Variants in CYP4A22 observed in about 807,000 individuals in gnomAD.
CYP4A22 encodes cytochrome P450 4A22.
In CYP4A22, 46 loss-of-function variants were observed where a neutral mutation model predicts 56.2. That is an observed-to-expected ratio of 0.82 (90% CI 0.65 to 1.05). CYP4A22 has a LOEUF of 1.05. CYP4A22 is among the 50% of genes least tolerant of loss of function. The pLI, the probability that CYP4A22 is intolerant of heterozygous loss-of-function variation, is 0.00. For synonymous variants in CYP4A22, 193 were observed against 251.1 expected (o/e 0.77, Z 2.19); for missense variants, 541 against 645.9 (o/e 0.84, Z 1.76).
intron 11 of CYP4A22, among the ~76,000 whole-genome samples, chr1:47,147,585 G>T (rs1645089920): frequency 6.6e-6 from 1 of 152,194 alleles, no homozygotes; most frequent in Admixed American, 6.5e-5. Context: ...GCTGTCCGTG[G>T]CACTGGACTG....
rs757085008 is a variant in CYP4A22, at chr1:47,140,929, C to T, written c.337+8C>T. On this transcript the variant is annotated splice_region_variant and intron_variant, in intron 2 of 11. Coordinates refer to ENST00000371891, the MANE Select transcript of CYP4A22 (RefSeq NM_001010969.4). Reference sequence around the variant, plus strand: ...TGATTCTGGGGAGATCAGGTGAGATCGAACCCCCATCCCAACTGCAATTTC... The same window carrying T: ...TGATTCTGGGGAGATCAGGTGAGATTGAACCCCCATCCCAACTGCAATTTC... The T allele has an allele frequency of 6.2e-6, 10 of 1,613,342 alleles. No individual in the cohort carries two copies. In the East Asian group the frequency reaches 1.3e-4, roughly 22 times the overall value.
Position 47,143,734 on chromosome 1 carries a change from G to T in CYP4A22, c.636-28G>T, listed in dbSNP as rs750979632. The T allele has an allele frequency of 3.4e-5, 54 of 1,582,974 alleles. 1 individual carries two copies. Among genetic ancestry groups the T allele is most frequent in the Non-Finnish European group, 5.2e-6 (6 of 1,162,828 alleles). On this transcript the variant is annotated intron_variant, in intron 5 of 11. Coordinates refer to ENST00000371891, the MANE Select transcript of CYP4A22 (RefSeq NM_001010969.4). ...TCCGGGTAATGGGCCCACCCCTACT[G>T]CGGTCTCTTCTTCATACTCTCCCTC...
At chr1:47,140,708 G>T (rs1184351138) in intron 1 of CYP4A22, 72 bp from the exon 2 acceptor site, 12 of 1,586,720 alleles carry the variant, frequency 7.6e-6, no homozygotes, top group Non-Finnish European at 1.0e-5. Context: ...TCCTGTAGTT[G>T]TCCTGCCCTT....
chr1:47,146,842 A>T (rs2148559691), intron 11 of CYP4A22: 1 of 986,490 alleles, frequency 1.0e-6, no homozygotes, highest in East Asian at 1.1e-4. Flanking sequence ...TGAGATCTTT[A>T]TACCATAGTC....
At chr1:47,140,238 A>G (rs1415629334) in intron 1 of CYP4A22, among the ~76,000 whole-genome samples, 1 of 152,204 alleles carries the variant, frequency 6.6e-6, no homozygotes, top group African/African-American at 2.4e-5. Context: ...ATAAATCTGT[A>G]CATATTCAAC....
chr1:47,137,743 C>T, intron 1 of CYP4A22, 63 bp downstream of exon 1: 1 of 1,538,566 alleles, frequency 6.5e-7, no homozygotes, highest in South Asian at 1.3e-5. Flanking sequence ...AGACCCTGGT[C>T]ACAAAATCCA....
chr1:47,138,337 T>A (rs4926919), intron 1 of CYP4A22, among the ~76,000 whole-genome samples: 13,123 of 152,204 alleles, frequency 0.086, 760 homozygotes, highest in East Asian at 0.3. Context: ...GCCTGCACAA[T>A]GTCCTCCAAG....
intron 3 of CYP4A22, among the ~76,000 whole-genome samples, chr1:47,141,846 T>C (rs866191439): frequency 3.3e-5 from 5 of 152,230 alleles, no homozygotes; most frequent in South Asian, 2.1e-4. Flanking sequence ...CATCCTTGGC[T>C]TCACATTTAT....
At chr1:47,138,497 A>T (rs1211481258) in intron 1 of CYP4A22, among the ~76,000 whole-genome samples, 1 of 152,158 alleles carries the variant, frequency 6.6e-6, no homozygotes, top group East Asian at 1.9e-4. Flanking sequence ...GCACAGCTTG[A>T]TGGTCAGCTC....
rs112811686 is a variant in CYP4A22, at chr1:47,143,917, G to T, written c.790+1G>T. The T allele has an allele frequency of 8.0e-4, 1,284 of 1,607,916 alleles. 12 individuals are homozygous for T. The African/African-American group carries it at 0.015, about 18-fold the overall frequency. The stretch of plus-strand genomic sequence containing the variant: ...TGCCAGCTGGCCCATCAGCACACAG[G>T]TTCTGTCTCTTCCTCTTGTCTCCCA... On this transcript the variant is annotated splice_donor_variant, in intron 6 of 11. Transcript: ENST00000371891. LOFTEE classifies it high-confidence loss of function.
chr1:47,138,750 G>A (rs1644973693), intron 1 of CYP4A22, among the ~76,000 whole-genome samples: 2 of 152,192 alleles, frequency 1.3e-5, no homozygotes, highest in Non-Finnish European at 2.9e-5. Flanking sequence ...CAGGTGTAGA[G>A]GAACAGAGGA....
At chr1:47,142,372 A>C (rs1174425018) in intron 4 of CYP4A22, 137 bp downstream of exon 4, 2 of 1,351,726 alleles carry the variant, frequency 1.5e-6, no homozygotes, top group Non-Finnish European at 1.9e-6. Flanking sequence ...TTGCTGTGAG[A>C]GTAGAGGGTT....
chr1:47,145,014 C>T (rs777851582), intron 9 of CYP4A22, 44 bp downstream of exon 9: 41 of 1,608,228 alleles, frequency 2.5e-5, no homozygotes, highest in African/African-American at 9.4e-5. Flanking sequence ...TCCACGGGGA[C>T]GTGTGGAGGG....
chr1:47,140,895 A>C lies in CYP4A22; in HGVS notation c.311A>C (p.Tyr104Ser), dbSNP rs61507155. 4 of 1,614,086 alleles carry C rather than the reference A, an allele frequency of 2.5e-6. No homozygotes were observed. The highest frequency in any genetic ancestry group is 2.7e-5 in the African/African-American group (2 of 75,014). Residue 104 changes from tyrosine to serine, a missense_variant, in exon 2 of 12, where the codon TAT becomes TCT. Physicochemically the swap from Tyr to Ser is moderately radical, Grantham distance 144. Transcript: ENST00000371891. ...CGTGTCCAGCTCTATGACCCTGACT[A>C]TATGAAGGTGATTCTGGGGAGATCA... ...KVRVQLYDPD[Y>S]MKVILGRSDP...
intron 1 of CYP4A22, among the ~76,000 whole-genome samples, chr1:47,138,100 C>T (rs531511760): frequency 6.6e-6 from 1 of 152,256 alleles, no homozygotes; most frequent in South Asian, 2.1e-4. Context: ...TCTGAGGACT[C>T]TGTGCCATGA....
chr1:47,148,548 G>A, intron 11 of CYP4A22, 54 bp from the exon 12 acceptor site: 3 of 1,549,762 alleles, frequency 1.9e-6, no homozygotes, highest in Non-Finnish European at 2.6e-6. Context: ...AACCTGCTCA[G>A]ATCAGAATGG....
rs752263402 is a variant in CYP4A22, at chr1:47,148,737, T to C, written c.1500T>C (p.Asn500=). ...PMARLVLKSK[N]GIHLRLRRLP... Reference sequence around the variant, plus strand: ...CACGACTTGTGTTGAAATCCAAAAATGGAATCCACCTGCGTCTCAGGAGGC... The same window carrying C: ...CACGACTTGTGTTGAAATCCAAAAACGGAATCCACCTGCGTCTCAGGAGGC... Residue 500 remains asparagine (N), a synonymous_variant, in exon 12 of 12, where the codon AAT becomes AAC. Coordinates refer to ENST00000371891, the MANE Select transcript of CYP4A22 (RefSeq NM_001010969.4). The C allele has an allele frequency of 6.2e-7, 1 of 1,613,970 alleles. No homozygotes were observed. The highest frequency in any genetic ancestry group is 8.5e-7 in the Non-Finnish European group (1 of 1,179,936).
chr1:47,146,488 A>G (rs1645077951), intron 11 of CYP4A22: 1 of 1,146,110 alleles, frequency 8.7e-7, no homozygotes, highest in South Asian at 2.5e-5. Flanking sequence ...AGTAAATTCA[A>G]CTTCAGCTGT....
At chr1:47,139,982 G>A (rs1644989100) in intron 1 of CYP4A22, among the ~76,000 whole-genome samples, 1 of 152,168 alleles carries the variant, frequency 6.6e-6, no homozygotes, top group Non-Finnish European at 1.5e-5. Flanking sequence ...CAGCAGTGGT[G>A]GCATCGGCGT....
Sources: allele counts gnomAD v4.1 joint callset (sites outside exome capture counted in the v4.1 genomes callset), GRCh38; gene constraint gnomAD v4.1.1; transcripts MANE v1.5; gene names NCBI Gene and HGNC (gene_info 2026-07-23, HGNC 2026-07-21).